The following MMP8 variants were observed in gnomAD, a reference collection of about 807,000 sequenced individuals.
MMP8 encodes the protein matrix metallopeptidase 8, also known as neutrophil collagenase.
MMP8 carries 67 observed loss-of-function variants against 51.2 expected under a neutral mutation model. The observed-to-expected ratio is 1.31, with a 90% confidence interval of 1.08 to 1.60. The LOEUF is 1.60. MMP8 is among the 40% of genes most tolerant of loss of function. The probability of loss-of-function intolerance (pLI) is 0.00; values close to 1 mark genes in which losing one functional copy is unlikely to be tolerated. For synonymous variants in MMP8, 225 were observed against 191.0 expected, an observed-to-expected ratio of 1.18 and a Z score of -1.47; for missense variants, 654 against 558.1, an observed-to-expected ratio of 1.17 and a Z score of -1.73.
At chr11:102,721,582 A>G in intron 3 of MMP8, 32 bp downstream of exon 3, 1 of 1,613,438 alleles carries the variant, frequency 6.2e-7, no homozygotes, top group Non-Finnish European at 8.5e-7. Context: ...AGCCAAAGAA[A>G]GCAAAACTGA....
intron 1 of MMP8, 135 bp from the exon 2 acceptor site, chr11:102,722,808 G>T (rs916372003): frequency 1.9e-5 from 26 of 1,362,586 alleles, no homozygotes; most frequent in Admixed American, 5.2e-5. Context: ...AAATTAATTT[G>T]TAGGTTGGCT....
In MMP8 at chr11:102,722,495, G is replaced by A. The variant is rs1861502516; in HGVS notation, c.281C>T (p.Pro94Leu). 1 of 1,613,902 alleles carries A rather than the reference G, an allele frequency of 6.2e-7. No individual in the cohort carries two copies. Among genetic ancestry groups the A allele is most frequent in the Non-Finnish European group, 8.5e-7 (1 of 1,179,850 alleles). ...GGTTAACATAAAACCACCACTGTCA[G>A]GCACTCCACAGCGAGGCTTTTTCAT... Reference protein sequence around the residue: ...DMMKKPRCGVPDSGGFMLTPG... With the variant: ...DMMKKPRCGVLDSGGFMLTPG... The change falls in exon 2 of 10, where the codon CCT becomes CTT. Residue 94 changes from proline (P) to leucine (L), a missense_variant. Transcript: ENST00000236826.
intron 5 of MMP8, 47 bp downstream of exon 5, chr11:102,718,367 A>G (rs1488035640): frequency 1.3e-6 from 2 of 1,561,678 alleles, no homozygotes; most frequent in Admixed American, 1.8e-5. Context: ...GTGTTCGCCT[A>G]TTCCCAGGTC....
At chr11:102,716,553 A>G in intron 5 of MMP8, 134 bp from the exon 6 acceptor site, 1 of 470,298 alleles carries the variant, frequency 2.1e-6, no homozygotes, top group South Asian at 4.2e-5. Context: ...AGACTATACC[A>G]TAAAGTATTA....
chr11:102,718,022 G>A (rs751177710), intron 5 of MMP8, among the ~76,000 whole-genome samples: 1 of 152,048 alleles, frequency 6.6e-6, no homozygotes, highest in Non-Finnish European at 1.5e-5. Flanking sequence ...CAGGAGAATT[G>A]CTTGAACTTG....
At position 102,716,423 on chromosome 11, in the gene MMP8, GAAAAAA is replaced by G. The variant is rs751481811; in HGVS notation, c.785-10_785-5del. 1.3e-3 allele frequency: 499 copies of G among 393,674 alleles called. No homozygotes were observed. Among genetic ancestry groups the G allele is most frequent in the East Asian group, 3.9e-3 (73 of 18,722 alleles). The allele number at this position is 393,674 out of a possible 1,614,324, so 24.4% of individuals were successfully genotyped here. On this transcript the variant is annotated splice_region_variant and splice_polypyrimidine_tract_variant and intron_variant, in intron 5 of 9. Transcript: ENST00000236826. Reference sequence around the variant, plus strand: ...TGGATAGGGTTGCTTGAAAGTCCTGGAAAAAAAAAAAAAAAAAAAAAAAAGGTCTTT... The same window carrying G: ...TGGATAGGGTTGCTTGAAAGTCCTGGAAAAAAAAAAAAAAAAAAGGTCTTT...
chr11:102,720,624 A>G (rs1168972210), intron 4 of MMP8, among the ~76,000 whole-genome samples: 2 of 152,204 alleles, frequency 1.3e-5, no homozygotes, highest in East Asian at 1.9e-4. Flanking sequence ...TGGTCTGGGT[A>G]TACCTGTCCT....
At chr11:102,716,150 C>A (rs924227227) in intron 6 of MMP8, 152 bp downstream of exon 6, 1 of 518,096 alleles carries the variant, frequency 1.9e-6, no homozygotes, top group South Asian at 2.8e-5. Flanking sequence ...CTATGATAAT[C>A]CTAGTGGTGC....
chr11:102,718,170 A>C (rs987863673), intron 5 of MMP8, among the ~76,000 whole-genome samples: 1 of 151,940 alleles, frequency 6.6e-6, no homozygotes, highest in Admixed American at 6.6e-5. Context: ...AAAAATCCCC[A>C]CCATCCAAAG....
At chr11:102,713,699 C>T (rs1455814439) in intron 9 of MMP8, 55 bp downstream of exon 9, 2 of 1,431,428 alleles carry the variant, frequency 1.4e-6, no homozygotes, top group Non-Finnish European at 9.7e-7. Flanking sequence ...GACCCTGTCT[C>T]CTCTATAATA....
chr11:102,721,270 A>C, intron 4 of MMP8, 131 bp downstream of exon 4: 1 of 1,363,856 alleles, frequency 7.3e-7, no homozygotes, highest in Admixed American at 2.6e-5. Context: ...GGTAGCAAAA[A>C]TTTCAAATGA....
chr11:102,717,136 T>C (rs1484364542), intron 5 of MMP8, among the ~76,000 whole-genome samples: 1 of 152,138 alleles, frequency 6.6e-6, no homozygotes, highest in Admixed American at 6.5e-5. Context: ...TCCACTCCAC[T>C]CTGTTCCACT....
chr11:102,716,156 G>C (rs1861285848), intron 6 of MMP8, 146 bp downstream of exon 6: 3 of 532,682 alleles, frequency 5.6e-6, no homozygotes, highest in Non-Finnish European at 6.7e-6. Context: ...TAATCCTAGT[G>C]GTGCCCCAGA....
rs375669689 is a variant in MMP8, at chr11:102,713,907, G to A, written c.1191-50C>T. 1.6e-4 allele frequency: 233 copies of A among 1,413,476 alleles called. No individual in the cohort carries two copies. The Admixed American group carries it at 1.8e-3, about 11-fold the overall frequency. 87.6% of individuals were successfully genotyped at this position (1,413,476 alleles called of 1,614,324 possible). A position where few individuals can be genotyped will look rare whatever the true frequency, so the allele number is the denominator to read the frequency against. ...ATTTAACACCAATACAGAATATAAC[G>A]AAAAAAATTTTTTTTATTGTATATA... On this transcript the variant is annotated intron_variant, in intron 8 of 9. Coordinates refer to ENST00000236826, the MANE Select transcript of MMP8 (RefSeq NM_002424.3).
At position 102,721,529 on chromosome 11, in the gene MMP8, G is replaced by T. The variant is rs1861470971; in HGVS notation, c.497-3C>A. 1 of 1,613,758 alleles carries T rather than the reference G, an allele frequency of 6.2e-7. No individual in the cohort carries two copies. Among genetic ancestry groups the T allele is most frequent in the Non-Finnish European group, 8.5e-7 (1 of 1,179,780 alleles). ...AAATGGAGAATTGTCACCGTGATCT[G>T]AAATAAGAACATTTGTATTAGATCC... On this transcript the variant is annotated splice_polypyrimidine_tract_variant and splice_region_variant and intron_variant, in intron 3 of 9. Transcript: ENST00000236826.
At position 102,718,450 on chromosome 11, in the gene MMP8, G is replaced by C. The variant is rs1163182031; in HGVS notation, c.748C>G (p.Pro250Ala). 22 of 1,613,368 alleles carry C rather than the reference G, an allele frequency of 1.4e-5. No individual in the cohort carries two copies. Among genetic ancestry groups the C allele is most frequent in the Non-Finnish European group, 1.9e-5 (22 of 1,179,694 alleles). The change falls in exon 5 of 10, where the codon CCT becomes GCT. Residue 250 changes from proline (P) to alanine (A), a missense_variant. Physicochemically the swap from Pro to Ala is conservative, Grantham distance 27 (BLOSUM62 -1). Coordinates refer to ENST00000236826, the MANE Select transcript of MMP8 (RefSeq NM_002424.3). ...TGAATGCCATCGATGTCATCTTGAGGGAGTGAGTAGTTGCTGGTTTCCCTG... is the reference window on the plus strand; with the variant it reads ...TGAATGCCATCGATGTCATCTTGAGCGAGTGAGTAGTTGCTGGTTTCCCTG... ...AFRETSNYSL[P>A]QDDIDGIQAI...
intron 1 of MMP8, among the ~76,000 whole-genome samples, 189 bp downstream of exon 1, chr11:102,724,565 T>C (rs1015553709): frequency 6.6e-6 from 1 of 152,238 alleles, no homozygotes. Flanking sequence ...CTTGTTTTCA[T>C]GTCCGGCTTT....
At position 102,718,422 on chromosome 11, in the gene MMP8, G is replaced by A; in HGVS notation, c.776C>T (p.Ala259Val). The change falls in exon 5 of 10, where the codon GCC becomes GTC. Residue 259 changes from alanine to valine, a missense_variant. Transcript: ENST00000236826. The part of the protein sequence containing the change: ...LPQDDIDGIQ[A>V]IYGLSSNPIQ... ...TCTTGAGAAGACCTTACCATAGATG[G>A]CCTGAATGCCATCGATGTCATCTTG... The A allele has an allele frequency of 6.2e-7, 1 of 1,610,986 alleles. No individual in the cohort carries two copies. The highest frequency in any genetic ancestry group is 8.5e-7 in the Non-Finnish European group (1 of 1,178,496).
intron 2 of MMP8, 81 bp downstream of exon 2, chr11:102,722,348 A>G: frequency 7.0e-7 from 1 of 1,430,398 alleles, no homozygotes; most frequent in South Asian, 1.3e-5. Context: ...TTCCTAGTGT[A>G]TCCCAAGAAC....
Sources: gnomAD v4.1 joint callset for allele counts (sites outside exome capture counted in the v4.1 genomes callset) on GRCh38, gnomAD v4.1.1 for gene constraint, MANE v1.5 for transcripts, NCBI Gene and HGNC (gene_info 2026-07-23, HGNC 2026-07-21) for gene names.